PLEKHA6: variants seen among roughly 807,000 people sequenced by gnomAD.
PLEKHA6 encodes pleckstrin homology domain containing A6.
PLEKHA6 carries 60 observed loss-of-function variants against 116.7 expected under a neutral mutation model. The ratio of observed to expected loss-of-function variants is 0.51; its 90% CI spans 0.42 to 0.64. The LOEUF is 0.64. PLEKHA6 is among the 30% of genes least tolerant of loss of function. PLEKHA6 has a pLI of 0.00. For missense variants in PLEKHA6, 1,338 were observed against 1,422.7 expected, an observed-to-expected ratio of 0.94 and a Z score of 0.96; for synonymous variants, 489 against 556.1, an observed-to-expected ratio of 0.88 and a Z score of 1.70.
At chr1:204,294,577 G>A (rs1229093862) in intron 1 of PLEKHA6, among the ~76,000 whole-genome samples, 3 of 152,160 alleles carry the variant, frequency 2.0e-5, no homozygotes, top group African/African-American at 7.2e-5. Flanking sequence ...CCCTTCTCAT[G>A]CATCATCCTA....
At position 204,229,096 on chromosome 1, in the gene PLEKHA6, G is replaced by A. The variant is rs776961442; in HGVS notation, c.2592C>T (p.Arg864=). The A allele has an allele frequency of 3.5e-5, 57 of 1,612,638 alleles. No homozygotes were observed. The South Asian group carries it at 6.0e-4, about 17-fold the overall frequency. The change falls in exon 19 of 23, where the codon CGC becomes CGT. Residue 864 remains arginine (R), a synonymous_variant. Coordinates refer to ENST00000272203, the MANE Select transcript of PLEKHA6 (RefSeq NM_014935.5). The part of the protein sequence containing the change: ...SPRPAYKVVR[R]HRSIHEVDIS... ...TGTCTACCTCATGGATGCTGCGGTG[G>A]CGGCGCACCTAGGGGACAGCAGCAT...
Position 204,247,274 on chromosome 1 carries a change from T to A in PLEKHA6, c.1920+91A>T. 2 of 745,578 alleles carry A rather than the reference T, an allele frequency of 2.7e-6. 1 individual carries two copies. The highest frequency in any genetic ancestry group is 3.1e-5 in the South Asian group (2 of 64,888). The allele number at this position is 745,578 out of a possible 1,614,324, so 46.2% of individuals were successfully genotyped here. A position where few individuals can be genotyped will look rare whatever the true frequency, so the allele number is the denominator to read the frequency against. On this transcript the variant is annotated intron_variant, in intron 13 of 22. Coordinates refer to ENST00000272203, the MANE Select transcript of PLEKHA6 (RefSeq NM_014935.5). ...TCATCCTGAAACTTAGAGTCTGTTA[T>A]CAATGGCCGGAACCTTTGCTTTTGT...
upstream of PLEKHA6, among the ~76,000 whole-genome samples, chr1:204,364,737 T>A (rs953724385): frequency 1.3e-5 from 2 of 152,194 alleles, no homozygotes; most frequent in Non-Finnish European, 2.9e-5. Context: ...TCTAGGCTAC[T>A]GGTTCTCGAA....
chr1:204,342,706 G>C (rs1451331060), intron 1 of PLEKHA6, among the ~76,000 whole-genome samples: 4 of 152,222 alleles, frequency 2.6e-5, no homozygotes, highest in African/African-American at 9.6e-5. Flanking sequence ...CTCTGATTAT[G>C]CTGTGGGCAT....
chr1:204,258,136 AT>A (rs1665611851), intron 8 of PLEKHA6, among the ~76,000 whole-genome samples: 1 of 152,194 alleles, frequency 6.6e-6, no homozygotes, highest in Admixed American at 6.5e-5. Context: ...GTGAAGCCTT[AT>A]CAGCCATCTC....
intron 1 of PLEKHA6, chr1:204,325,970 C>T (rs940698576): frequency 1.1e-6 from 1 of 890,416 alleles, no homozygotes; most frequent in Non-Finnish European, 1.3e-6. Flanking sequence ...GGGCAGAGTC[C>T]CTCTGCCCAC....
intron 1 of PLEKHA6, among the ~76,000 whole-genome samples, chr1:204,291,768 G>C (rs943350538): frequency 8.3e-4 from 127 of 152,312 alleles, no homozygotes; most frequent in Non-Finnish European, 1.0e-4. Flanking sequence ...GTGGTTGCCT[G>C]GGGCCAGGGT....
intron 1 of PLEKHA6, among the ~76,000 whole-genome samples, chr1:204,353,105 C>A (rs1355799385): frequency 2.0e-5 from 3 of 152,160 alleles, no homozygotes; most frequent in Non-Finnish European, 4.4e-5. Flanking sequence ...CAAGTTCTAC[C>A]CACCACTTAA....
intron 15 of PLEKHA6, 63 bp downstream of exon 15, chr1:204,244,801 T>C: frequency 7.7e-7 from 1 of 1,302,844 alleles, no homozygotes; most frequent in Non-Finnish European, 1.0e-6. Context: ...TTGTATAGTT[T>C]CAGACAAACG....
At chr1:204,322,416 G>A (rs1360597374) in intron 1 of PLEKHA6, among the ~76,000 whole-genome samples, 4 of 152,164 alleles carry the variant, frequency 2.6e-5, no homozygotes, top group South Asian at 2.1e-4. Context: ...GCTTTCCACC[G>A]CAACAGAAGT....
At chr1:204,326,592 AG>A (rs1453580728) in intron 1 of PLEKHA6, among the ~76,000 whole-genome samples, 3 of 152,346 alleles carry the variant, frequency 2.0e-5, no homozygotes, top group Admixed American at 2.0e-4. Flanking sequence ...TTCACAAAGC[AG>A]TGCTCCAGGT....
chr1:204,322,428 C>T (rs1374398729), intron 1 of PLEKHA6, among the ~76,000 whole-genome samples: 1 of 152,206 alleles, frequency 6.6e-6, no homozygotes, highest in African/African-American at 2.4e-5. Context: ...AACAGAAGTT[C>T]TCAGGACTCT....
chr1:204,262,135 G>A (rs1259059643), intron 6 of PLEKHA6: 2 of 152,492 alleles, frequency 1.3e-5, no homozygotes, highest in African/African-American at 4.8e-5. Context: ...AGGGAAGGGG[G>A]AATATTCAGA....
At chr1:204,328,851 T>C (rs1672346157) in intron 1 of PLEKHA6, among the ~76,000 whole-genome samples, 3 of 152,218 alleles carry the variant, frequency 2.0e-5, no homozygotes, top group Non-Finnish European at 4.4e-5. Flanking sequence ...GCTCTTTGTT[T>C]ATATCATCTC....
chr1:204,295,274 G>GAACTCCA (rs1453731194), intron 1 of PLEKHA6, among the ~76,000 whole-genome samples: 42 of 152,282 alleles, frequency 2.8e-4, no homozygotes, highest in African/African-American at 9.9e-4. Context: ...TGGATTTCCT[G>GAACTCCA]AGGTCTGGAG....
chr1:204,265,318 A>G (rs1342163302), intron 5 of PLEKHA6, among the ~76,000 whole-genome samples: 1 of 152,160 alleles, frequency 6.6e-6, no homozygotes, highest in Admixed American at 6.5e-5. Flanking sequence ...AGGAATTTGC[A>G]TTCTAGTGCA....
rs1405464597 is a variant in PLEKHA6, at chr1:204,247,476, G to A, written c.1825-16C>T. The A allele has an allele frequency of 2.6e-6, 4 of 1,550,816 alleles. No individual in the cohort carries two copies. The highest frequency in any genetic ancestry group is 2.2e-5 in the South Asian group (2 of 89,786). ...TTGTCAGGGCCTACGGGGGAAAGAG[G>A]CGTTCACTGAGAAAGCCGCCATCAC... is the stretch of plus-strand genomic sequence containing the variant. On this transcript the variant is annotated splice_polypyrimidine_tract_variant and intron_variant, in intron 12 of 22. Transcript: ENST00000272203.
chr1:204,327,017 C>G (rs751960330), intron 1 of PLEKHA6: 245 of 985,272 alleles, frequency 2.5e-4, no homozygotes, highest in Non-Finnish European at 2.9e-4. Flanking sequence ...GTGGACAAAG[C>G]AGCTACTTGG....
rs766348547 is a variant in PLEKHA6, at chr1:204,257,364, T to C, written c.1513A>G (p.Ser505Gly). 2 of 1,561,988 alleles carry C rather than the reference T, an allele frequency of 1.3e-6. No individual in the cohort carries two copies. The change falls in exon 9 of 23, where the codon AGC becomes GGC. Residue 505 changes from serine (S) to glycine (G), a missense_variant. Around this residue, in one of 3 missense-constraint regions of PLEKHA6, gnomAD observed 1,136 missense variants for 1,163.6 expected, o/e 0.98. Transcript: ENST00000272203. This position sits in a 1 kb window ranked among gnomAD's most constrained non-coding sequence, Gnocchi z 6.5. The part of the protein sequence containing the change: ...PAAYVMRRSI[S>G]SPKVPPYPEV... ...GGCTGGTGGCTCACCTTGGGGGAGC[T>C]GATGGATCGCCTCATCACATAGGCA...
Sources: allele counts gnomAD v4.1 joint callset (sites outside exome capture counted in the v4.1 genomes callset), GRCh38; gene constraint gnomAD v4.1.1; regional missense constraint gnomAD v4.1.1; non-coding constraint Gnocchi (gnomAD v3.1); transcripts MANE v1.5; gene names NCBI Gene and HGNC (gene_info 2026-07-23, HGNC 2026-07-21).